FMN1: variants seen among roughly 807,000 people sequenced by gnomAD.
FMN1 encodes the protein formin-1.
In FMN1, 110 loss-of-function variants were observed where a neutral mutation model predicts 132.4. That is an observed-to-expected ratio of 0.83 (90% CI 0.71 to 0.97). The LOEUF (loss-of-function observed/expected upper bound fraction) is 0.97. Ranked by LOEUF, FMN1 falls within the 50% of genes least tolerant of loss-of-function variation. The pLI is 0.00. For synonymous variants in FMN1, 722 were observed against 651.7 expected (o/e 1.11, Z -1.64); for missense variants, 1,792 against 1,705.3 (o/e 1.05, Z -0.90).
intron 4 of FMN1, among the ~76,000 whole-genome samples, chr15:33,138,720 A>G (rs1447282009): frequency 6.6e-6 from 1 of 152,180 alleles, no homozygotes; most frequent in Admixed American, 6.5e-5. Flanking sequence ...TAGGGCTCCA[A>G]TCTGGCTCAG....
At chr15:32,780,891 T>A (rs1025933634) in intron 19 of FMN1, among the ~76,000 whole-genome samples, 1 of 152,170 alleles carries the variant, frequency 6.6e-6, no homozygotes, top group Non-Finnish European at 1.5e-5. Flanking sequence ...AACCCATACA[T>A]ACAGACATCT....
rs1010744597 is a variant in FMN1 at position 33,155,051 on chromosome 15, A to G, written c.-131-6T>C. The G allele has an allele frequency of 6.1e-6, 4 of 655,468 alleles. No homozygotes were observed. The highest frequency in any genetic ancestry group is 1.0e-5 in the Non-Finnish European group (4 of 388,650). 40.6% of individuals were successfully genotyped at this position (655,468 alleles called of 1,614,324 possible). On this transcript the variant is annotated splice_region_variant and splice_polypyrimidine_tract_variant and intron_variant, in intron 3 of 20. Coordinates refer to ENST00000616417, the MANE Select transcript of FMN1 (RefSeq NM_001277313.2). ...ATCTCCAGCAATGAGACTGCCTGTTAGAGGAACAGGGGAAGAAAGCAGCTT... is the reference window on the plus strand; with the variant it reads ...ATCTCCAGCAATGAGACTGCCTGTTGGAGGAACAGGGGAAGAAAGCAGCTT...
intron 9 of FMN1, among the ~76,000 whole-genome samples, chr15:32,928,655 G>T (rs1051654148): frequency 6.6e-6 from 1 of 152,134 alleles, no homozygotes; most frequent in African/African-American, 2.4e-5. Flanking sequence ...GAATTGACTA[G>T]ATTTATTCTT....
intron 5 of FMN1, chr15:33,067,838 G>T (rs2037818641): frequency 1.2e-6 from 2 of 1,613,626 alleles, no homozygotes; most frequent in African/African-American, 1.3e-5. Flanking sequence ...TGGTTTTGCT[G>T]GTTCTGACAC....
intron 10 of FMN1, among the ~76,000 whole-genome samples, chr15:32,914,962 C>T (rs1457741337): frequency 6.6e-6 from 1 of 152,162 alleles, no homozygotes; most frequent in Non-Finnish European, 1.5e-5. Flanking sequence ...AGGGCCAATG[C>T]CAAGTATTCC....
At chr15:33,146,891 A>G (rs1964242919) in intron 4 of FMN1, among the ~76,000 whole-genome samples, 1 of 152,162 alleles carries the variant, frequency 6.6e-6, no homozygotes, top group African/African-American at 2.4e-5. Flanking sequence ...TAAGAAATAA[A>G]ACAAAACAGG....
intron 7 of FMN1, among the ~76,000 whole-genome samples, chr15:32,977,351 C>A (rs1384400645): frequency 6.6e-6 from 1 of 152,072 alleles, no homozygotes; most frequent in Non-Finnish European, 1.5e-5. Flanking sequence ...TATGCCAATA[C>A]ACAAAAAAAG....
chr15:33,101,783 T>C (rs1167020706), intron 4 of FMN1, among the ~76,000 whole-genome samples: 1 of 152,146 alleles, frequency 6.6e-6, no homozygotes, highest in African/African-American at 2.4e-5. Flanking sequence ...TCTTGTTGCA[T>C]ACAGAATAGA....
chr15:33,128,465 G>A (rs529370594), intron 4 of FMN1, among the ~76,000 whole-genome samples: 2 of 152,224 alleles, frequency 1.3e-5, no homozygotes, highest in East Asian at 1.9e-4. Context: ...GACATTGCAA[G>A]GTCCATTTAT....
intron 4 of FMN1, among the ~76,000 whole-genome samples, chr15:33,092,986 A>G (rs1456420199): frequency 2.0e-5 from 3 of 152,216 alleles, no homozygotes; most frequent in Non-Finnish European, 4.4e-5. Flanking sequence ...TTTACCAGAT[A>G]TTGTCTTTAA....
intron 19 of FMN1, 53 bp downstream of exon 19, chr15:32,798,751 T>C: frequency 6.8e-7 from 1 of 1,474,952 alleles, no homozygotes; most frequent in East Asian, 2.3e-5. Context: ...GGTTTAAGAG[T>C]GCAGTTTCCT....
chr15:32,972,337 C>A (rs2031861031), intron 7 of FMN1, among the ~76,000 whole-genome samples: 1 of 152,154 alleles, frequency 6.6e-6, no homozygotes, highest in Non-Finnish European at 1.5e-5. Flanking sequence ...TTAGCTATGG[C>A]ACTTTCCAAC....
intron 17 of FMN1, among the ~76,000 whole-genome samples, chr15:32,813,194 T>C (rs944862773): frequency 6.6e-6 from 1 of 152,196 alleles, no homozygotes; most frequent in Non-Finnish European, 1.5e-5. Context: ...TGAGCATCTG[T>C]AGAGTTTAAT....
At chr15:33,031,637 G>T (rs1035463739) in intron 6 of FMN1, among the ~76,000 whole-genome samples, 1 of 152,160 alleles carries the variant, frequency 6.6e-6, no homozygotes, top group African/African-American at 2.4e-5. Context: ...CCAAATAAAG[G>T]AGCCACAGCT....
chr15:32,908,394 T>C (rs2060477292), intron 12 of FMN1, 96 bp downstream of exon 12: 1 of 775,674 alleles, frequency 1.3e-6, no homozygotes, highest in African/African-American at 1.7e-5. Context: ...TTTAGCTGGC[T>C]GCACATTTAG....
chr15:32,815,563 T>G (rs1419510136), intron 17 of FMN1, among the ~76,000 whole-genome samples: 1 of 152,186 alleles, frequency 6.6e-6, no homozygotes, highest in Non-Finnish European at 1.5e-5. Flanking sequence ...TTACCTCATA[T>G]AAACCCCTCA....
intron 4 of FMN1, among the ~76,000 whole-genome samples, chr15:33,116,020 T>C (rs1595505762): frequency 6.6e-6 from 1 of 152,148 alleles, no homozygotes; most frequent in Non-Finnish European, 1.5e-5. Context: ...TTAGGGTGAA[T>C]GGGGACTGTA....
At chr15:33,105,890 G>A (rs1051363272) in intron 4 of FMN1, 1 of 152,090 alleles carries the variant, frequency 6.6e-6, no homozygotes, top group Admixed American at 6.6e-5. Context: ...GTCTGAGCTT[G>A]TACTGTCTCC....
At chr15:33,043,703 T>C (rs768088533) in intron 6 of FMN1, among the ~76,000 whole-genome samples, 2 of 152,214 alleles carry the variant, frequency 1.3e-5, no homozygotes, top group African/African-American at 2.4e-5. Context: ...ACTGCCATGA[T>C]GCTGGCTGCA....
Sources: gnomAD v4.1 joint callset for allele counts (sites outside exome capture counted in the v4.1 genomes callset) on GRCh38, gnomAD v4.1.1 for gene constraint, MANE v1.5 for transcripts, NCBI Gene and HGNC (gene_info 2026-07-23, HGNC 2026-07-21) for gene names.